Variants in RAB36 observed in about 807,000 individuals in gnomAD.
RAB36 encodes the protein RAB36, member RAS oncogene family.
A neutral mutation model predicts 39.3 loss-of-function variants in RAB36; 33 were observed. The ratio of observed to expected loss-of-function variants is 0.84; its 90% confidence interval spans 0.64 to 1.12. The LOEUF is 1.12. Among genes scored for constraint, RAB36 ranks in the 50% most tolerant of loss-of-function variants. The pLI, the probability that RAB36 is intolerant of heterozygous loss-of-function variation, is 0.00. For missense variants in RAB36, 308 were observed against 355.3 expected, an observed-to-expected ratio of 0.87 and a Z score of 1.07; for synonymous variants, 133 against 140.2, an observed-to-expected ratio of 0.95 and a Z score of 0.36.
At chr22:23,146,085 G>A (rs1290981943) in intron 1 of RAB36, 1 of 923,056 alleles carries the variant, frequency 1.1e-6, no homozygotes, top group African/African-American at 1.8e-5. Flanking sequence ...GGAGACCCAG[G>A]TCTTCTGACT....
intron 6 of RAB36, 95 bp from the exon 7 acceptor site, chr22:23,157,897 C>T: frequency 1.9e-6 from 3 of 1,589,080 alleles, no homozygotes; most frequent in Non-Finnish European, 2.6e-6. Context: ...GGGGGGCTGC[C>T]CTGGCAGTTC....
At chr22:23,152,701 C>G (rs905514609) in intron 4 of RAB36, among the ~76,000 whole-genome samples, 175 bp downstream of exon 4, 2 of 152,204 alleles carry the variant, frequency 1.3e-5, no homozygotes, top group Non-Finnish European at 2.9e-5. Context: ...GGGGAGATGG[C>G]AGGGCTGGGC....
downstream of RAB36, among the ~76,000 whole-genome samples, chr22:23,166,143 C>A (rs1350140947): frequency 3.8e-5 from 2 of 52,358 alleles, no homozygotes; most frequent in East Asian, 8.1e-4. Flanking sequence ...GAGACTCTGT[C>A]TTTTAAAAAA....
Position 23,146,671 on chromosome 22 carries a change from G to A in RAB36, c.55G>A (p.Ala19Thr), listed in dbSNP as rs755907913. ...GPPVSRDRVIASFPKWYTPEA... is the reference protein window; with the variant it reads ...GPPVSRDRVITSFPKWYTPEA... ...CCCTGTGAGCCGCGACCGTGTCATC[G>A]CCAGCTTCCCTAAGGTAGAGAGTCA... Residue 19 changes from alanine to threonine, a missense_variant, in exon 2 of 11, where the codon GCC (alanine) becomes ACC (threonine). By Grantham distance (58) the Ala-to-Thr change is moderately conservative. Transcript: ENST00000263116. The A allele has an allele frequency of 3.7e-6, 6 of 1,613,686 alleles. No individual in the cohort carries two copies. The highest frequency in any genetic ancestry group is 2.7e-5 in the African/African-American group (2 of 74,890).
chr22:23,157,840 C>T (rs1355331016), intron 6 of RAB36, 152 bp from the exon 7 acceptor site: 2 of 1,525,652 alleles, frequency 1.3e-6, no homozygotes, highest in African/African-American at 2.8e-5. Flanking sequence ...TGGGGTGTTT[C>T]CTCCTCAGCC....
intron 5 of RAB36, 113 bp from the exon 6 acceptor site, chr22:23,155,855 A>C: frequency 1.1e-6 from 1 of 901,980 alleles, no homozygotes; most frequent in Non-Finnish European, 1.6e-6. Flanking sequence ...AAGCCCATGC[A>C]GCTGGCACAG....
chr22:23,145,400 G>T (rs2070703936), upstream of RAB36: 2 of 1,609,310 alleles, frequency 1.2e-6, no homozygotes, highest in South Asian at 2.2e-5. Flanking sequence ...ATGCTTGGAC[G>T]CGCCGCTGCC....
chr22:23,163,058 T>C lies in RAB36; in HGVS notation c.*1494T>C, dbSNP rs763653080. On this transcript the variant is annotated 3_prime_UTR_variant, in exon 11 of 11. Transcript: ENST00000263116. ...TCCCAAGTAGCTGGGATTACAGGCA[T>C]GCACCACCATGCCTGGCTAATTTTG... The C allele has an allele frequency of 6.4e-5, 17 of 264,234 alleles. No homozygotes were observed. The highest frequency in any genetic ancestry group is 1.2e-4 in the Non-Finnish European group (16 of 135,678). The allele number at this position is 264,234 out of a possible 1,614,324, so 16.4% of individuals were successfully genotyped here. A position where few individuals can be genotyped will look rare whatever the true frequency, so the allele number is the denominator to read the frequency against.
intron 5 of RAB36, 87 bp downstream of exon 5, chr22:23,153,221 G>C: frequency 9.9e-7 from 1 of 1,014,266 alleles, no homozygotes. Flanking sequence ...CTGTGTCCAT[G>C]TCAAGGAGGA....
chr22:23,158,033 G>A lies in RAB36; in HGVS notation c.436G>A (p.Glu146Lys), dbSNP rs773942760. 6.2e-6 allele frequency: 10 copies of A among 1,614,176 alleles called. No homozygotes were observed. The highest frequency in any genetic ancestry group is 2.2e-5 in the East Asian group (1 of 44,882). ...AFDLTDVQTLEHTRQWLEDAL... is the reference protein window; with the variant it reads ...AFDLTDVQTLKHTRQWLEDAL... ...TGACCTCACTGACGTGCAGACCCTG[G>A]AGCATACCAGGTAAGTCTGGGCTCT... is the stretch of plus-strand genomic sequence containing the variant. The change falls in exon 7 of 11, where the codon GAG (glutamate) becomes AAG (lysine). Residue 146 changes from glutamate (E) to lysine (K), a missense_variant. Glu to Lys is a moderately conservative substitution (Grantham distance 56). Transcript: ENST00000263116.
chr22:23,148,516 C>G (rs1167865754), intron 2 of RAB36, among the ~76,000 whole-genome samples: 1 of 152,158 alleles, frequency 6.6e-6, no homozygotes, highest in East Asian at 1.9e-4. Flanking sequence ...GCACCCTACC[C>G]CAGGGAAGCA....
Position 23,162,245 on chromosome 22 carries a change from G to A in RAB36, c.*681G>A, listed in dbSNP as rs12160560. On this transcript the variant is annotated 3_prime_UTR_variant, in exon 11 of 11. Coordinates refer to ENST00000263116, the MANE Select transcript of RAB36 (RefSeq NM_004914.5). The stretch of plus-strand genomic sequence containing the variant: ...ATCTCTGGCACCTCTGAGATCCCTA[G>A]GTCCTGCCCTCCTGGTCCGTGGGCC... 1 of 215,786 alleles carries A rather than the reference G, an allele frequency of 4.6e-6. No individual in the cohort carries two copies. Among genetic ancestry groups the A allele is most frequent in the Non-Finnish European group, 9.3e-6 (1 of 106,958 alleles). 13.4% of individuals were successfully genotyped at this position (215,786 alleles called of 1,614,324 possible).
chr22:23,160,847 G>A lies in RAB36; in HGVS notation c.620-32G>A, dbSNP rs766384310. ...GCATTAAGGGGCAAGGAGAAACACT[G>A]ATGAGGTCCCGGCTGTCTTGTGGGC... is the stretch of plus-strand genomic sequence containing the variant. On this transcript the variant is annotated intron_variant, in intron 9 of 10. Transcript: ENST00000263116. 4 of 1,603,852 alleles carry A rather than the reference G, an allele frequency of 2.5e-6. No homozygotes were observed. The Admixed American group carries it at 5.1e-5, about 20-fold the overall frequency.
chr22:23,162,315 C>CAGTG lies in RAB36; in HGVS notation c.*752_*755dup, dbSNP rs2071854888. The CAGTG allele has an allele frequency of 3.5e-6, 1 of 284,290 alleles. No homozygotes were observed. The highest frequency in any genetic ancestry group is 7.0e-6 in the Non-Finnish European group (1 of 142,670). 17.6% of individuals were successfully genotyped at this position (284,290 alleles called of 1,614,324 possible). The stretch of plus-strand genomic sequence containing the variant: ...CTCAGGCCTTTCTGGCCCACCTGGA[C>CAGTG]AGTGCATTTACCTGTGTGCTGCGGG... On this transcript the variant is annotated 3_prime_UTR_variant, in exon 11 of 11. Transcript: ENST00000263116.
intron 2 of RAB36, among the ~76,000 whole-genome samples, chr22:23,149,298 G>A (rs538066246): frequency 6.6e-6 from 1 of 152,284 alleles, no homozygotes; most frequent in South Asian, 2.1e-4. Flanking sequence ...TATTTAGCCT[G>A]GGCCAATCCA....
downstream of RAB36, among the ~76,000 whole-genome samples, chr22:23,167,955 C>T (rs1471846767): frequency 6.6e-6 from 1 of 152,052 alleles, no homozygotes; most frequent in Non-Finnish European, 1.5e-5. Context: ...CAAGCAATCC[C>T]CCCACCCCAG....
intron 3 of RAB36, among the ~76,000 whole-genome samples, chr22:23,150,802 C>T (rs557623099): frequency 6.6e-6 from 1 of 152,252 alleles, no homozygotes; most frequent in Admixed American, 6.5e-5. Flanking sequence ...CTCTGGGAGC[C>T]TTCTCTGACC....
chr22:23,158,679 A>G (rs1345366510), intron 7 of RAB36, among the ~76,000 whole-genome samples: 1 of 152,004 alleles, frequency 6.6e-6, no homozygotes, highest in Non-Finnish European at 1.5e-5. Flanking sequence ...GGTCTTCACC[A>G]CCTCCAGCCA....
intron 2 of RAB36, among the ~76,000 whole-genome samples, chr22:23,147,045 G>C (rs907978964): frequency 6.6e-6 from 1 of 152,072 alleles, no homozygotes; most frequent in Non-Finnish European, 1.5e-5. Flanking sequence ...TGGGTGCCTG[G>C]CTCATGGTAT....
Sources: allele counts gnomAD v4.1 joint callset (sites outside exome capture counted in the v4.1 genomes callset), GRCh38; gene constraint gnomAD v4.1.1; transcripts MANE v1.5; gene names NCBI Gene and HGNC (gene_info 2026-07-23, HGNC 2026-07-21).